Variants in IKZF2 observed in about 807,000 individuals in gnomAD.
The protein encoded by IKZF2 is IKAROS family zinc finger 2, also known as zinc finger protein Helios.
A neutral mutation model predicts 49.2 loss-of-function variants in IKZF2; 15 were observed. That is an observed-to-expected ratio of 0.30 (90% confidence interval 0.20 to 0.47). The LOEUF (loss-of-function observed/expected upper bound fraction) is 0.47. Ranked by LOEUF, IKZF2 falls within the 20% of genes least tolerant of loss-of-function variation. The pLI, the probability that IKZF2 is intolerant of heterozygous loss-of-function variation, is 1.00. For synonymous variants in IKZF2, 227 were observed against 221.4 expected (o/e 1.03, Z -0.23); for missense variants, 567 against 664.6 (o/e 0.85, Z 1.61).
chr2:213,149,550 T>C (rs923742722), intron 2 of IKZF2, among the ~76,000 whole-genome samples: 7 of 152,112 alleles, frequency 4.6e-5, no homozygotes, highest in Non-Finnish European at 7.3e-5. Context: ...TTTTACTTTT[T>C]TTTCCCCCTT....
intron 8 of IKZF2, among the ~76,000 whole-genome samples, chr2:213,013,160 C>A (rs1696162568): frequency 6.6e-6 from 1 of 151,634 alleles, no homozygotes; most frequent in East Asian, 1.9e-4. Context: ...AATAAAGATC[C>A]AAATATGAAA....
chr2:213,133,189 T>G (rs761052068), intron 4 of IKZF2, among the ~76,000 whole-genome samples: 16 of 152,202 alleles, frequency 1.1e-4, no homozygotes, highest in Non-Finnish European at 1.9e-4. Flanking sequence ...AACAATAAAA[T>G]AGGAGCTATC....
intron 4 of IKZF2, among the ~76,000 whole-genome samples, chr2:213,058,885 C>G (rs1701422836): frequency 6.6e-6 from 1 of 151,842 alleles, no homozygotes; most frequent in Admixed American, 6.6e-5. Context: ...AGCTCACTAT[C>G]TTTCAGGCCC....
intron 3 of IKZF2, among the ~76,000 whole-genome samples, 200 bp from the exon 4 acceptor site, chr2:213,148,012 T>TA (rs72219545): frequency 1.3e-5 from 2 of 151,924 alleles, no homozygotes; most frequent in African/African-American, 2.4e-5. Flanking sequence ...CAACCCACAA[T>TA]AAAAAAAATT....
intron 6 of IKZF2, among the ~76,000 whole-genome samples, chr2:213,027,162 T>G (rs1444028911): frequency 6.6e-6 from 1 of 152,116 alleles, no homozygotes. Context: ...GGTTTAGAGA[T>G]AATCTATTGC....
At chr2:213,039,430 A>C (rs1699394664) in intron 6 of IKZF2, among the ~76,000 whole-genome samples, 1 of 152,094 alleles carries the variant, frequency 6.6e-6, no homozygotes, top group East Asian at 1.9e-4. Flanking sequence ...TATATGGTAC[A>C]TCTGGTCCAG....
At position 213,062,558 on chromosome 2, in the gene IKZF2, G is replaced by A. The variant is rs150024995; in HGVS notation, c.140-5459C>T. Among the ~76,000 whole-genome samples, 783 of 151,862 alleles carry A rather than the reference G, an allele frequency of 5.2e-3. 2 individuals are homozygous for A. The highest frequency in any genetic ancestry group is 8.1e-3 in the Non-Finnish European group (548 of 67,822). ...ATTTTTTTCACAGTGTGGAACAGAA[G>A]ATAGTAAAATACCATTCTTACTTAC... On this transcript the variant is annotated intron_variant, in intron 4 of 8. Coordinates refer to ENST00000434687, the MANE Select transcript of IKZF2 (RefSeq NM_001387220.1).
intron 4 of IKZF2, among the ~76,000 whole-genome samples, chr2:213,061,019 CTTT>C (rs745404471): frequency 6.6e-6 from 1 of 151,518 alleles, no homozygotes; most frequent in Non-Finnish European, 1.5e-5. Context: ...CCCTCTTCTT[CTTT>C]ATGCTTTCAA....
intron 1 of IKZF2, among the ~76,000 whole-genome samples, chr2:213,150,703 G>GC (rs2061254111): frequency 1.5e-5 from 1 of 66,210 alleles, no homozygotes; most frequent in Non-Finnish European, 2.8e-5. Flanking sequence ...TGAAAGAAAA[G>GC]GGGGGGGGGG....
chr2:213,063,118 T>C (rs1242513783), intron 4 of IKZF2, among the ~76,000 whole-genome samples: 1 of 152,042 alleles, frequency 6.6e-6, no homozygotes, highest in Non-Finnish European at 1.5e-5. Flanking sequence ...AGAATTTGTT[T>C]TATAAACGGT....
chr2:213,010,915 T>C (rs1348771942), intron 8 of IKZF2, among the ~76,000 whole-genome samples: 2 of 152,114 alleles, frequency 1.3e-5, no homozygotes, highest in East Asian at 1.9e-4. Context: ...CATTTGTACT[T>C]TGGCCAACTT....
In IKZF2 at chr2:213,009,460, T is replaced by C. The variant is rs532378722; in HGVS notation, c.857-1376A>G. Among the ~76,000 whole-genome samples the C allele has an allele frequency of 2.0e-5, 3 of 152,216 alleles. No homozygotes were observed. In the South Asian group the frequency reaches 6.2e-4, roughly 32 times the overall value. On this transcript the variant is annotated intron_variant, in intron 8 of 8. Coordinates refer to ENST00000434687, the MANE Select transcript of IKZF2 (RefSeq NM_001387220.1). The stretch of plus-strand genomic sequence containing the variant: ...GTGGGTTTCCCATAAATGGTTAATA[T>C]GTTGTTGTGGATGGATGCTTAACTT...
chr2:213,089,524 C>T (rs1207290641), intron 4 of IKZF2, among the ~76,000 whole-genome samples: 1 of 152,148 alleles, frequency 6.6e-6, no homozygotes, highest in African/African-American at 2.4e-5. Context: ...AACTGGTACC[C>T]TTGCTGTTCC....
intron 6 of IKZF2, among the ~76,000 whole-genome samples, chr2:213,041,339 T>TGG (rs112857321): frequency 7.0e-4 from 93 of 132,786 alleles, no homozygotes; most frequent in Non-Finnish European, 1.2e-3. Context: ...AATCTTTTTT[T>TGG]GGGGGGGGTG....
chr2:213,076,374 TA>T (rs1408352447), intron 4 of IKZF2, among the ~76,000 whole-genome samples: 1 of 152,074 alleles, frequency 6.6e-6, no homozygotes, highest in African/African-American at 2.4e-5. Flanking sequence ...AAGAGAAGAA[TA>T]AGACAGAGAA....
chr2:213,094,286 G>T (rs1209730447), intron 4 of IKZF2, among the ~76,000 whole-genome samples: 2 of 152,068 alleles, frequency 1.3e-5, no homozygotes, highest in Non-Finnish European at 1.5e-5. Context: ...TAACTAAGGG[G>T]CTACTAATCT....
chr2:213,085,863 T>C (rs1464361683), intron 4 of IKZF2, among the ~76,000 whole-genome samples: 2 of 152,208 alleles, frequency 1.3e-5, no homozygotes, highest in Admixed American at 6.5e-5. Context: ...TTGTTAATGA[T>C]AGGTGTCAAG....
At chr2:213,057,205 AT>A in intron 4 of IKZF2, 106 bp from the exon 5 acceptor site, 1 of 961,550 alleles carries the variant, frequency 1.0e-6, no homozygotes. Flanking sequence ...AAAATGATAT[AT>A]AAAGTAGAAT....
At chr2:213,118,304 G>C (rs1215832864) in intron 4 of IKZF2, among the ~76,000 whole-genome samples, 2 of 152,168 alleles carry the variant, frequency 1.3e-5, no homozygotes, top group African/African-American at 4.8e-5. Context: ...CATGGCAGAG[G>C]TTTGACAACT....
Sources: allele counts gnomAD v4.1 joint callset (sites outside exome capture counted in the v4.1 genomes callset), GRCh38; gene constraint gnomAD v4.1.1; transcripts MANE v1.5; gene names NCBI Gene and HGNC (gene_info 2026-07-23, HGNC 2026-07-21).